CDS2: variants seen among roughly 807,000 people sequenced by gnomAD.
The protein encoded by CDS2 is CDP-diacylglycerol synthase 2.
A neutral mutation model predicts 59.0 loss-of-function variants in CDS2; 47 were observed. That is an observed-to-expected ratio of 0.80 (90% CI 0.63 to 1.02). The LOEUF (loss-of-function observed/expected upper bound fraction) is 1.02, where lower values mean the gene tolerates loss of function less well. Among genes scored for constraint, CDS2 ranks in the 50% least tolerant of loss-of-function variants. CDS2 has a pLI of 0.00. For missense variants in CDS2, 356 were observed against 558.9 expected (o/e 0.64, Z 3.66); for synonymous variants, 207 against 206.4 (o/e 1.00, Z -0.02).
intron 4 of CDS2, among the ~76,000 whole-genome samples, chr20:5,178,536 G>T (rs369084976): frequency 6.6e-6 from 1 of 152,182 alleles, no homozygotes; most frequent in African/African-American, 2.4e-5. Context: ...GGATCCCTCA[G>T]TTAGGTATGG....
At chr20:5,158,306 A>T (rs1039823260) in intron 1 of CDS2, among the ~76,000 whole-genome samples, 5 of 151,386 alleles carry the variant, frequency 3.3e-5, no homozygotes, top group Admixed American at 1.3e-4. Context: ...AGTAGCTGGG[A>T]TTACAGGCAC....
rs374609903 is a variant in CDS2, at chr20:5,178,809, A to C, written c.390-8A>C. ...CTCCCCACGGCAATGACCTGTCTTC[A>C]TTTACAGGTACTTTCTCCTGTGTGT... On this transcript the variant is annotated splice_region_variant and splice_polypyrimidine_tract_variant and intron_variant, in intron 4 of 12. Transcript: ENST00000460006. 3 of 1,614,028 alleles carry C rather than the reference A, an allele frequency of 1.9e-6. No individual in the cohort carries two copies. Among genetic ancestry groups the C allele is most frequent in the East Asian group, 2.2e-5 (1 of 44,872 alleles).
intron 1 of CDS2, among the ~76,000 whole-genome samples, chr20:5,154,226 G>T (rs1434499216): frequency 1.3e-5 from 2 of 152,232 alleles, no homozygotes; most frequent in African/African-American, 4.8e-5. Flanking sequence ...CCCATACCTG[G>T]AAACTTTTTC....
In CDS2 at chr20:5,185,797, T is replaced by C; in HGVS notation, c.799T>C (p.Phe267Leu). The C allele has an allele frequency of 6.2e-7, 1 of 1,614,240 alleles. No individual in the cohort carries two copies. The highest frequency in any genetic ancestry group is 8.5e-7 in the Non-Finnish European group (1 of 1,180,034). ...GACCTGGGAAGGCTTCATTGGGGGC[T>C]TCTTTGCTACTGTGGTGTTTGGCCT... ...KKTWEGFIGG[F>L]FATVVFGLLL... Residue 267 changes from phenylalanine to leucine, a missense_variant, in exon 9 of 13, where the codon TTC becomes CTC. Coordinates refer to ENST00000460006, the MANE Select transcript of CDS2 (RefSeq NM_003818.4).
chr20:5,190,306 G>A lies in CDS2; in HGVS notation c.*72G>A. On this transcript the variant is annotated 3_prime_UTR_variant, in exon 13 of 13. Transcript: ENST00000460006. ...GGTCTCCAAGGCAAGCCCAGCTGGT[G>A]TGACTTAGACAATGACGAGGCTTCA... is the stretch of plus-strand genomic sequence containing the variant. The A allele has an allele frequency of 6.9e-7, 1 of 1,443,612 alleles. No homozygotes were observed. The highest frequency in any genetic ancestry group is 9.4e-7 in the Non-Finnish European group (1 of 1,060,236). The allele number at this position is 1,443,612 out of a possible 1,614,324, so 89.4% of individuals were successfully genotyped here. A position where few individuals can be genotyped will look rare whatever the true frequency, so the allele number is the denominator to read the frequency against.
intron 1 of CDS2, among the ~76,000 whole-genome samples, chr20:5,132,381 A>C (rs1225399954): frequency 6.6e-6 from 1 of 152,152 alleles, no homozygotes; most frequent in East Asian, 1.9e-4. Flanking sequence ...TACAGGCGTG[A>C]GCCACCGCGC....
At chr20:5,141,450 T>TGG (rs143359277) in intron 1 of CDS2, among the ~76,000 whole-genome samples, 5 of 152,098 alleles carry the variant, frequency 3.3e-5, no homozygotes, top group African/African-American at 7.2e-5. Context: ...GAACACATGC[T>TGG]GGGGGGGTGG....
chr20:5,159,302 T>A (rs988520568), intron 1 of CDS2, among the ~76,000 whole-genome samples: 38 of 147,796 alleles, frequency 2.6e-4, no homozygotes, highest in Non-Finnish European at 3.9e-4. Flanking sequence ...CATTAGGTAT[T>A]TCTCCTAATG....
rs1693162966 is a variant in CDS2 at position 5,192,342 on chromosome 20, G to C, written c.*2108G>C. ...GTTCCTTTGTGGAAGTGGTTACTTG[G>C]TGGGGGTGGGGTGGGGAAGGGGGGT... On this transcript the variant is annotated 3_prime_UTR_variant, in exon 13 of 13. Transcript: ENST00000460006. 7.6e-6 allele frequency: 1 copy of C among 132,056 alleles called. No individual in the cohort carries two copies. 8.2% of individuals were successfully genotyped at this position (132,056 alleles called of 1,614,324 possible).
chr20:5,159,835 CCT>C (rs1171141061), intron 1 of CDS2, among the ~76,000 whole-genome samples: 2 of 151,984 alleles, frequency 1.3e-5, no homozygotes, highest in African/African-American at 2.4e-5. Context: ...AAATAATTAC[CCT>C]GTTTTTACTT....
At chr20:5,128,649 G>A (rs1235803728) in intron 1 of CDS2, 2 of 152,176 alleles carry the variant, frequency 1.3e-5, no homozygotes, top group African/African-American at 2.4e-5. Context: ...TGAGGATTTA[G>A]CAGTCGCTTG....
chr20:5,145,125 G>A (rs8119511), intron 1 of CDS2, among the ~76,000 whole-genome samples: 1,850 of 151,918 alleles, frequency 0.012, 48 homozygotes, highest in African/African-American at 0.041. Flanking sequence ...ACACAGTAGT[G>A]TCTTGGCTCA....
At chr20:5,133,847 G>C (rs180690156) in intron 1 of CDS2, among the ~76,000 whole-genome samples, 3 of 151,980 alleles carry the variant, frequency 2.0e-5, no homozygotes, top group Non-Finnish European at 4.4e-5. Context: ...CTAATTCCCG[G>C]TTGTTGTTTT....
In CDS2 at chr20:5,163,859, C is replaced by T. The variant is rs117484632; in HGVS notation, c.58-9664C>T. 6.3e-3 allele frequency among the ~76,000 whole-genome samples: 944 copies of T among 149,034 alleles called. 20 individuals carry two copies. Among genetic ancestry groups the T allele is most frequent in the East Asian group, 0.041 (209 of 5,044 alleles). On this transcript the variant is annotated intron_variant, in intron 1 of 12. Coordinates refer to ENST00000460006, the MANE Select transcript of CDS2 (RefSeq NM_003818.4). ...AGGCTGGAAAGCAGTGGTGCAAACT[C>T]GGCTCACTGCAGCCTCTACCTCCCA...
At chr20:5,164,950 T>C (rs2090902847) in intron 1 of CDS2, among the ~76,000 whole-genome samples, 5 of 152,202 alleles carry the variant, frequency 3.3e-5, no homozygotes, top group Admixed American at 3.3e-4. Flanking sequence ...AGTCATATGC[T>C]TGCTGTTAGT....
chr20:5,142,716 A>T (rs1410458171), intron 1 of CDS2, among the ~76,000 whole-genome samples: 1 of 152,228 alleles, frequency 6.6e-6, no homozygotes, highest in Non-Finnish European at 1.5e-5. Context: ...CAGTATTAAG[A>T]GTGAAAAGGA....
intron 1 of CDS2, among the ~76,000 whole-genome samples, chr20:5,143,996 C>T (rs2090718616): frequency 6.6e-6 from 1 of 152,048 alleles, no homozygotes; most frequent in Non-Finnish European, 1.5e-5. Context: ...AACTGCTGGC[C>T]TCAAGTGATC....
At chr20:5,129,123 T>C (rs765616159) in intron 1 of CDS2, among the ~76,000 whole-genome samples, 17 of 152,030 alleles carry the variant, frequency 1.1e-4, no homozygotes, top group Non-Finnish European at 2.4e-4. Context: ...ATGCCTGGGG[T>C]CATGAGGTCC....
At chr20:5,148,756 T>G (rs1222675717) in intron 1 of CDS2, among the ~76,000 whole-genome samples, 2 of 152,264 alleles carry the variant, frequency 1.3e-5, no homozygotes, top group Non-Finnish European at 2.9e-5. Flanking sequence ...CTTGTGATTT[T>G]GGGAGCGTAA....
Sources: allele counts gnomAD v4.1 joint callset (sites outside exome capture counted in the v4.1 genomes callset), GRCh38; gene constraint gnomAD v4.1.1; transcripts MANE v1.5; gene names NCBI Gene and HGNC (gene_info 2026-07-23, HGNC 2026-07-21).